MEGF9: variants seen among roughly 807,000 people sequenced by gnomAD.
MEGF9 encodes multiple EGF like domains 9.
In MEGF9, 6 loss-of-function variants were observed where a neutral mutation model predicts 46.8. That is an observed-to-expected ratio of 0.13 (90% confidence interval 0.07 to 0.25). MEGF9 has a LOEUF of 0.25. MEGF9 is among the 10% of genes least tolerant of loss of function. The pLI, the probability that MEGF9 is intolerant of heterozygous loss-of-function variation, is 1.00. For synonymous variants in MEGF9, 302 were observed against 330.7 expected, an observed-to-expected ratio of 0.91 and a Z score of 0.94; for missense variants, 683 against 792.4, an observed-to-expected ratio of 0.86 and a Z score of 1.66.
intron 2 of MEGF9, among the ~76,000 whole-genome samples, chr9:120,650,071 C>T (rs1419545929): frequency 1.3e-5 from 2 of 152,060 alleles, no homozygotes; most frequent in African/African-American, 4.8e-5. Context: ...TCAAGACCAG[C>T]CTGGCCAAGA....
At chr9:120,686,129 G>C (rs542502606) in intron 1 of MEGF9, among the ~76,000 whole-genome samples, 4 of 145,798 alleles carry the variant, frequency 2.7e-5, no homozygotes, top group African/African-American at 1.0e-4. Context: ...TTGCTCTGTC[G>C]CCTAGGCTGG....
chr9:120,662,774 T>C (rs1000707500), intron 1 of MEGF9, among the ~76,000 whole-genome samples: 4 of 152,264 alleles, frequency 2.6e-5, no homozygotes, highest in Non-Finnish European at 5.9e-5. Context: ...AGCTTCGTTA[T>C]ATCCTGCGGA....
chr9:120,674,058 G>C (rs1044580617), intron 1 of MEGF9, among the ~76,000 whole-genome samples: 1 of 150,764 alleles, frequency 6.6e-6, no homozygotes, highest in Non-Finnish European at 1.5e-5. Context: ...AGAAAACACA[G>C]AAGAAAATAT....
At chr9:120,672,841 T>C (rs570168211) in intron 1 of MEGF9, among the ~76,000 whole-genome samples, 2 of 152,170 alleles carry the variant, frequency 1.3e-5, no homozygotes, top group East Asian at 1.9e-4. Context: ...CTGACCAACA[T>C]GGAGAAACCT....
At chr9:120,634,637 C>G (rs1296956338) in intron 2 of MEGF9, among the ~76,000 whole-genome samples, 2 of 151,660 alleles carry the variant, frequency 1.3e-5, no homozygotes, top group African/African-American at 2.4e-5. Flanking sequence ...AAGACAATTT[C>G]TTGTAGGCAG....
At chr9:120,665,982 T>C (rs1449397216) in intron 1 of MEGF9, among the ~76,000 whole-genome samples, 2 of 152,214 alleles carry the variant, frequency 1.3e-5, no homozygotes, top group Non-Finnish European at 2.9e-5. Context: ...TATGCCATGT[T>C]GTTTTGGTTA....
At chr9:120,615,288 CATGT>C (rs962114134) in intron 3 of MEGF9, among the ~76,000 whole-genome samples, 9 of 137,060 alleles carry the variant, frequency 6.6e-5, no homozygotes, top group Non-Finnish European at 1.2e-4. Context: ...TGTGTGTGTG[CATGT>C]GTGTGTACAC....
At chr9:120,611,854 AGGAAGGAAGAAAG>A (rs1564411675) in intron 4 of MEGF9, among the ~76,000 whole-genome samples, 1 of 140,634 alleles carries the variant, frequency 7.1e-6, no homozygotes, top group African/African-American at 2.8e-5. Flanking sequence ...GAAGGAAGGA[AGGAAGGAAGAAAG>A]AGAGAGAGAG....
intron 2 of MEGF9, among the ~76,000 whole-genome samples, chr9:120,634,142 T>G (rs2043562183): frequency 6.6e-6 from 1 of 152,194 alleles, no homozygotes; most frequent in Non-Finnish European, 1.5e-5. Flanking sequence ...GTTTCCTTGT[T>G]GATTTTCTGT....
At chr9:120,687,998 G>A (rs1039752230) in intron 1 of MEGF9, among the ~76,000 whole-genome samples, 1 of 151,958 alleles carries the variant, frequency 6.6e-6, no homozygotes, top group African/African-American at 2.4e-5. Context: ...CCATTGGTTA[G>A]CATTTCTCAT....
intron 2 of MEGF9, among the ~76,000 whole-genome samples, chr9:120,653,153 C>T (rs1381230208): frequency 6.6e-6 from 1 of 152,218 alleles, no homozygotes; most frequent in Non-Finnish European, 1.5e-5. Context: ...TCCACATCTT[C>T]TTGCAAAGTA....
At chr9:120,659,770 A>G (rs1425775801) in intron 1 of MEGF9, among the ~76,000 whole-genome samples, 195 bp from the exon 2 acceptor site, 2 of 147,248 alleles carry the variant, frequency 1.4e-5, no homozygotes, top group East Asian at 4.0e-4. Context: ...TACATAAATT[A>G]TGTAGTGTGT....
At chr9:120,657,453 A>G (rs2132321722) in intron 2 of MEGF9, among the ~76,000 whole-genome samples, 1 of 152,380 alleles carries the variant, frequency 6.6e-6, no homozygotes, top group African/African-American at 2.4e-5. Flanking sequence ...CTTCTATTAT[A>G]AAACTCTCTC....
intron 1 of MEGF9, among the ~76,000 whole-genome samples, chr9:120,686,114 G>C (rs1211403709): frequency 1.3e-5 from 2 of 148,928 alleles, no homozygotes; most frequent in African/African-American, 5.0e-5. Context: ...TTTTGAGATG[G>C]AGTCTTGCTC....
At chr9:120,672,976 T>A (rs2132328921) in intron 1 of MEGF9, among the ~76,000 whole-genome samples, 1 of 152,184 alleles carries the variant, frequency 6.6e-6, no homozygotes, top group East Asian at 1.9e-4. Context: ...TGAACCGAGA[T>A]TGCGCCATTG....
chr9:120,643,529 G>C (rs1362318960), intron 2 of MEGF9, among the ~76,000 whole-genome samples: 1 of 145,104 alleles, frequency 6.9e-6, no homozygotes, highest in Non-Finnish European at 1.5e-5. Context: ...ATTACCATAA[G>C]GACCAACTTT....
chr9:120,674,880 ATT>A (rs35813407), intron 1 of MEGF9, among the ~76,000 whole-genome samples: 3 of 135,738 alleles, frequency 2.2e-5, no homozygotes, highest in Admixed American at 7.4e-5. Context: ...AGCAGTTTCT[ATT>A]TTTTTTTTTT....
intron 3 of MEGF9, among the ~76,000 whole-genome samples, chr9:120,620,241 G>C (rs1478460417): frequency 2.6e-5 from 4 of 152,162 alleles, no homozygotes; most frequent in African/African-American, 9.6e-5. Flanking sequence ...AATGTAGACT[G>C]CTTTTCGGTA....
intron 2 of MEGF9, among the ~76,000 whole-genome samples, chr9:120,658,364 T>C (rs1330173368): frequency 1.3e-5 from 2 of 152,230 alleles, no homozygotes; most frequent in Admixed American, 6.5e-5. Context: ...GCATTTAAAA[T>C]ATTTAGTGCT....
Sources: gnomAD v4.1 joint callset for allele counts (sites outside exome capture counted in the v4.1 genomes callset) on GRCh38, gnomAD v4.1.1 for gene constraint, MANE v1.5 for transcripts, NCBI Gene and HGNC (gene_info 2026-07-23, HGNC 2026-07-21) for gene names.